SLIT2: variants seen among roughly 807,000 people sequenced by gnomAD.
The protein encoded by SLIT2 is slit guidance ligand 2.
Under a neutral mutation model 185.7 loss-of-function variants are expected in SLIT2, and 41 were observed. That is an observed-to-expected ratio of 0.22 (90% CI 0.17 to 0.29). The LOEUF is 0.29. SLIT2 is among the 10% of genes least tolerant of loss of function. SLIT2 has a pLI of 1.00. For synonymous variants in SLIT2, 693 were observed against 680.2 expected (o/e 1.02, Z -0.29); for missense variants, 1,571 against 1,909.0 (o/e 0.82, Z 3.30).
chr4:20,454,536 T>C (rs1288213259), intron 4 of SLIT2, among the ~76,000 whole-genome samples: 1 of 152,174 alleles, frequency 6.6e-6, no homozygotes, highest in Non-Finnish European at 1.5e-5. Context: ...CATTACTCAG[T>C]AGTTTCCAAA....
chr4:20,437,757 C>CA (rs1729449553), intron 4 of SLIT2, among the ~76,000 whole-genome samples: 3 of 150,890 alleles, frequency 2.0e-5, no homozygotes, highest in South Asian at 2.1e-4. Context: ...CTGAAAAATA[C>CA]AAAAAAAATT....
chr4:20,537,834 A>G (rs942656274), intron 18 of SLIT2, among the ~76,000 whole-genome samples: 1 of 152,180 alleles, frequency 6.6e-6, no homozygotes, highest in Non-Finnish European at 1.5e-5. Context: ...GCCACTTACT[A>G]ATTCATATAC....
rs540367408 is a variant in SLIT2, at chr4:20,470,010, C to T, written c.467+2187C>T. ...CCTCAGGTGATCCACCCTCCTCAGC[C>T]TCCCAAAGTGCTGAGATTACAGGTG... On this transcript the variant is annotated intron_variant, in intron 5 of 36. Coordinates refer to ENST00000504154, the MANE Select transcript of SLIT2 (RefSeq NM_004787.4). 3.9e-4 allele frequency among the ~76,000 whole-genome samples: 60 copies of T among 152,164 alleles called. 1 individual carries two copies. In the South Asian group the frequency reaches 5.4e-3, roughly 14 times the overall value.
chr4:20,528,919 T>C lies in SLIT2; in HGVS notation c.1463-30T>C, dbSNP rs1248296124. Reference sequence around the variant, plus strand: ...TAAATTTTCTAACCTTTAGACTCAGTATCTTTTTTTTGGTTTGAATTCTCA... The same window carrying C: ...TAAATTTTCTAACCTTTAGACTCAGCATCTTTTTTTTGGTTTGAATTCTCA... On this transcript the variant is annotated intron_variant, in intron 15 of 36. Transcript: ENST00000504154. The surrounding 1 kb of genome is among the most constrained non-coding windows in gnomAD (Gnocchi z 4.2). 1 of 1,577,880 alleles carries C rather than the reference T, an allele frequency of 6.3e-7. No homozygotes were observed. The highest frequency in any genetic ancestry group is 1.1e-5 in the South Asian group (1 of 88,000).
intron 7 of SLIT2, among the ~76,000 whole-genome samples, chr4:20,488,453 C>T (rs1180534574): frequency 6.6e-6 from 1 of 152,156 alleles, no homozygotes; most frequent in Non-Finnish European, 1.5e-5. Flanking sequence ...CTTTTACTAA[C>T]TTGCCCCTCG....
chr4:20,393,840 G>C (rs553031357), intron 4 of SLIT2, among the ~76,000 whole-genome samples: 2 of 152,040 alleles, frequency 1.3e-5, no homozygotes, highest in Non-Finnish European at 2.9e-5. Context: ...GCTGAACTGC[G>C]TGGGTTGTTT....
At chr4:20,567,725 G>A in intron 28 of SLIT2, 110 bp downstream of exon 28, 1 of 814,460 alleles carries the variant, frequency 1.2e-6, no homozygotes, top group Non-Finnish European at 2.1e-6. Flanking sequence ...CAAAGAATTT[G>A]AGAGAAATGG....
intron 4 of SLIT2, among the ~76,000 whole-genome samples, chr4:20,351,777 G>A (rs1276433832): frequency 2.0e-5 from 3 of 152,178 alleles, no homozygotes; most frequent in Admixed American, 2.0e-4. Flanking sequence ...AAACAATAGT[G>A]TGTTAATGGG....
intron 5 of SLIT2, 77 bp downstream of exon 5, chr4:20,467,900 G>A: frequency 1.4e-6 from 1 of 715,312 alleles, no homozygotes; most frequent in Non-Finnish European, 2.3e-6. Flanking sequence ...TAAATAAAGT[G>A]TCAGAAAGAA....
chr4:20,545,174 G>A (rs1476238481), intron 21 of SLIT2, among the ~76,000 whole-genome samples: 1 of 151,952 alleles, frequency 6.6e-6, no homozygotes, highest in Non-Finnish European at 1.5e-5. Flanking sequence ...GGGTAGGAAC[G>A]GCCACATGTT....
intron 4 of SLIT2, among the ~76,000 whole-genome samples, chr4:20,327,723 A>T (rs775767567): frequency 6.6e-6 from 1 of 152,066 alleles, no homozygotes; most frequent in Non-Finnish European, 1.5e-5. Context: ...GATATATTTT[A>T]TACTTACGAT....
At chr4:20,510,976 A>G (rs1719646889) in intron 10 of SLIT2, 90 bp from the exon 11 acceptor site, 1 of 799,486 alleles carries the variant, frequency 1.3e-6, no homozygotes, top group African/African-American at 1.7e-5. Flanking sequence ...TAAGTACAAA[A>G]CCAACATTTA....
intron 9 of SLIT2, among the ~76,000 whole-genome samples, chr4:20,495,189 C>T (rs542292883): frequency 3.3e-5 from 5 of 152,222 alleles, no homozygotes; most frequent in East Asian, 1.9e-4. Context: ...GTAGATAAGC[C>T]GCAGTTTGAA....
rs527742137 is a variant in SLIT2 at position 20,520,998 on chromosome 4, T to G, written c.1130+1545T>G. ...CCTAGATGTCTGTACCCATTGTAGA[T>G]ATAGCTTGATGCTGTAACCAAGTAT... On this transcript the variant is annotated intron_variant, in intron 12 of 36. Transcript: ENST00000504154. Among the ~76,000 whole-genome samples the G allele has an allele frequency of 2.2e-4, 33 of 152,340 alleles. 1 individual carries two copies. Among genetic ancestry groups the G allele is most frequent in the Admixed American group, 7.2e-4 (11 of 15,304 alleles).
intron 4 of SLIT2, among the ~76,000 whole-genome samples, chr4:20,307,033 C>T (rs2109121752): frequency 6.6e-6 from 1 of 151,908 alleles, no homozygotes; most frequent in Middle Eastern, 3.4e-3. Flanking sequence ...CCATTCCCTT[C>T]CTTTTTACCT....
intron 9 of SLIT2, among the ~76,000 whole-genome samples, chr4:20,508,831 C>A (rs550013742): frequency 6.6e-6 from 1 of 151,714 alleles, no homozygotes; most frequent in Non-Finnish European, 1.5e-5. Context: ...TCAAGAGCAA[C>A]GAAAACTGAG....
intron 4 of SLIT2, among the ~76,000 whole-genome samples, chr4:20,343,582 C>G (rs4490454): frequency 0.87 from 132,237 of 151,936 alleles, 57,736 homozygotes; most frequent in African/African-American, 0.93. Context: ...GCTCACAGCA[C>G]CCTCAACCTC....
intron 4 of SLIT2, among the ~76,000 whole-genome samples, chr4:20,351,422 G>A (rs1721866581): frequency 1.3e-5 from 2 of 151,812 alleles, no homozygotes; most frequent in South Asian, 4.2e-4. Flanking sequence ...AATATATTAG[G>A]ACATAGAAAG....
chr4:20,449,478 G>C (rs560319452), intron 4 of SLIT2, among the ~76,000 whole-genome samples: 1 of 151,930 alleles, frequency 6.6e-6, no homozygotes, highest in African/African-American at 2.4e-5. Flanking sequence ...GTGCAATCTC[G>C]GCTCACTGCA....
Sources: allele counts gnomAD v4.1 joint callset (sites outside exome capture counted in the v4.1 genomes callset), GRCh38; gene constraint gnomAD v4.1.1; non-coding constraint Gnocchi (gnomAD v3.1); transcripts MANE v1.5; gene names NCBI Gene and HGNC (gene_info 2026-07-23, HGNC 2026-07-21).